MTMR9: variants seen among roughly 807,000 people sequenced by gnomAD.
The protein encoded by MTMR9 is myotubularin related protein 9.
Under a neutral mutation model 69.5 loss-of-function variants are expected in MTMR9, and 39 were observed. The observed-to-expected ratio is 0.56, with a 90% CI of 0.43 to 0.73. The LOEUF (loss-of-function observed/expected upper bound fraction) is 0.73, where lower values mean the gene tolerates loss of function less well. Ranked by LOEUF, MTMR9 falls within the 30% of genes least tolerant of loss-of-function variation. MTMR9 has a pLI of 0.00. For missense variants in MTMR9, 900 were observed against 671.2 expected, an observed-to-expected ratio of 1.34 and a Z score of -3.77; for synonymous variants, 354 against 240.8, an observed-to-expected ratio of 1.47 and a Z score of -4.35.
chr8:11,328,994 A>T (rs148632646), downstream of MTMR9, among the ~76,000 whole-genome samples: 3 of 152,196 alleles, frequency 2.0e-5, no homozygotes, highest in Non-Finnish European at 2.9e-5. Context: ...CATTATTTGC[A>T]TATGGATATT....
At chr8:11,293,924 C>G (rs1799457267) in intron 1 of MTMR9, among the ~76,000 whole-genome samples, 1 of 152,164 alleles carries the variant, frequency 6.6e-6, no homozygotes, top group Non-Finnish European at 1.5e-5. Flanking sequence ...GTCATTTTCA[C>G]ACTGTCTTAA....
intron 5 of MTMR9, among the ~76,000 whole-genome samples, chr8:11,307,820 T>C (rs983492210): frequency 4.6e-5 from 7 of 152,224 alleles, no homozygotes; most frequent in Admixed American, 6.5e-5. Context: ...ATTTTTTTTT[T>C]CAAATACCTA....
At chr8:11,301,693 T>C (rs957848851) in intron 3 of MTMR9, among the ~76,000 whole-genome samples, 1 of 152,188 alleles carries the variant, frequency 6.6e-6, no homozygotes, top group Non-Finnish European at 1.5e-5. Flanking sequence ...TCAAGACTCA[T>C]GAAATTGTGT....
chr8:11,319,944 C>A (rs1800602699), intron 9 of MTMR9, 106 bp downstream of exon 9: 3 of 1,092,160 alleles, frequency 2.7e-6, no homozygotes, highest in Non-Finnish European at 3.9e-6. Context: ...TGGACGTGGC[C>A]CTCAGACCTG....
chr8:11,331,480 T>C, downstream of MTMR9: 1 of 1,613,942 alleles, frequency 6.2e-7, no homozygotes, highest in Middle Eastern at 1.7e-4. Flanking sequence ...GTTCAGGTGG[T>C]GCCCGCTGGC....
intron 6 of MTMR9, 59 bp from the exon 7 acceptor site, chr8:11,314,863 AG>A: frequency 6.5e-7 from 1 of 1,549,678 alleles, no homozygotes; most frequent in Non-Finnish European, 8.9e-7. Context: ...TGTTATTAAC[AG>A]AGTTCATTGA....
chr8:11,321,394 C>G (rs977495190), intron 9 of MTMR9: 2 of 456,178 alleles, frequency 4.4e-6, no homozygotes, highest in Admixed American at 2.3e-5. Context: ...CTTAAAGCCA[C>G]TGTCACATTT....
chr8:11,329,959 C>T (rs1338275035), downstream of MTMR9, among the ~76,000 whole-genome samples: 2 of 151,404 alleles, frequency 1.3e-5, no homozygotes, highest in East Asian at 2.0e-4. Context: ...AGCGTCTCTG[C>T]CCGGCCGCCC....
intron 6 of MTMR9, among the ~76,000 whole-genome samples, chr8:11,310,706 T>A (rs146783322): frequency 1.3e-3 from 195 of 151,842 alleles, no homozygotes; most frequent in African/African-American, 4.5e-3. Flanking sequence ...TACTGAGGGT[T>A]TTTTTCTTTT....
At chr8:11,298,816 G>C (rs1284783626) in intron 2 of MTMR9, 7 of 977,800 alleles carry the variant, frequency 7.2e-6, no homozygotes, top group Admixed American at 1.4e-4. Context: ...CCTTCTCTCT[G>C]TTCCTCCCAT....
At chr8:11,330,225 C>T (rs1235184169), downstream of MTMR9, among the ~76,000 whole-genome samples, 9 of 150,576 alleles carry the variant, frequency 6.0e-5, no homozygotes, top group East Asian at 4.0e-4. Context: ...CCTGGCCAGC[C>T]GCCCCGTCCG....
At chr8:11,297,590 T>C (rs967080820) in intron 2 of MTMR9, among the ~76,000 whole-genome samples, 1 of 152,068 alleles carries the variant, frequency 6.6e-6, no homozygotes, top group Non-Finnish European at 1.5e-5. Flanking sequence ...GTTTTTCTTA[T>C]TCCTTTGTGA....
At chr8:11,287,951 G>A (rs1234766758) in intron 1 of MTMR9, among the ~76,000 whole-genome samples, 2 of 111,362 alleles carry the variant, frequency 1.8e-5, no homozygotes, top group African/African-American at 3.4e-5. Flanking sequence ...TATATCATAC[G>A]TATTATATAC....
chr8:11,330,161 G>C (rs1801149673), downstream of MTMR9, among the ~76,000 whole-genome samples: 1 of 151,064 alleles, frequency 6.6e-6, no homozygotes, highest in Non-Finnish European at 1.5e-5. Flanking sequence ...TCGGGGATCA[G>C]CCCCCGCCCG....
downstream of MTMR9, chr8:11,331,147 C>G: frequency 3.1e-6 from 5 of 1,610,668 alleles, no homozygotes; most frequent in South Asian, 1.1e-5. Flanking sequence ...CCTGACTCCA[C>G]ACACCCATCG....
intron 1 of MTMR9, among the ~76,000 whole-genome samples, chr8:11,288,882 A>C (rs1425460515): frequency 6.6e-6 from 1 of 152,208 alleles, no homozygotes; most frequent in Non-Finnish European, 1.5e-5. Flanking sequence ...CACATAAAAG[A>C]TGATGGTAGG....
At chr8:11,306,582 CAAAT>C (rs1460026641) in intron 5 of MTMR9, among the ~76,000 whole-genome samples, 175 bp downstream of exon 5, 4 of 151,910 alleles carry the variant, frequency 2.6e-5, no homozygotes, top group Admixed American at 1.3e-4. Context: ...GTTTGATTGA[CAAAT>C]AAAAATTACA....
chr8:11,304,811 C>G (rs761625927), intron 3 of MTMR9, 30 bp from the exon 4 acceptor site: 14 of 1,602,362 alleles, frequency 8.7e-6, no homozygotes, highest in Non-Finnish European at 1.0e-5. Flanking sequence ...GAGATAGTTG[C>G]TTAGCTTTGA....
In MTMR9 at chr8:11,285,079, C is replaced by T. The variant is rs764698437; in HGVS notation, c.182+9C>T. Reference sequence around the variant, plus strand: ...GACGCCATCGACAAGCGGTGAGTGCCCGCCCCACCCCAGCTCCGCAGGGAG... The same window carrying T: ...GACGCCATCGACAAGCGGTGAGTGCTCGCCCCACCCCAGCTCCGCAGGGAG... On this transcript the variant is annotated intron_variant, in intron 1 of 9. Coordinates refer to ENST00000221086, the MANE Select transcript of MTMR9 (RefSeq NM_015458.4). The T allele has an allele frequency of 6.4e-7, 1 of 1,566,604 alleles. No individual in the cohort carries two copies. Among genetic ancestry groups the T allele is most frequent in the Non-Finnish European group, 8.7e-7 (1 of 1,152,350 alleles).
Sources: allele counts gnomAD v4.1 joint callset (sites outside exome capture counted in the v4.1 genomes callset), GRCh38; gene constraint gnomAD v4.1.1; transcripts MANE v1.5; gene names NCBI Gene and HGNC (gene_info 2026-07-23, HGNC 2026-07-21).